Variants in IRAK2 observed in about 807,000 individuals in gnomAD.
IRAK2 encodes the protein interleukin 1 receptor associated kinase 2.
IRAK2 carries 57 observed loss-of-function variants against 72.0 expected under a neutral mutation model. The observed-to-expected ratio is 0.79, with a 90% CI of 0.64 to 0.99. IRAK2 has a LOEUF of 0.99. IRAK2 is among the 50% of genes least tolerant of loss of function. IRAK2 has a pLI of 0.00. For missense variants in IRAK2, 790 were observed against 794.4 expected (o/e 0.99, Z 0.07); for synonymous variants, 293 against 312.7 (o/e 0.94, Z 0.67).
At chr3:10,214,460 G>A (rs1697572155) in intron 6 of IRAK2, among the ~76,000 whole-genome samples, 1 of 142,996 alleles carries the variant, frequency 7.0e-6, no homozygotes, top group South Asian at 2.2e-4. Flanking sequence ...TGAGCTCCCG[G>A]GCTCAAGTGA....
chr3:10,239,145 T>TCAGC (rs1698013702), intron 12 of IRAK2, 106 bp downstream of exon 12: 14 of 1,081,164 alleles, frequency 1.3e-5, no homozygotes, highest in Non-Finnish European at 1.7e-5. Flanking sequence ...ATTTGGTTAT[T>TCAGC]CAGCCATTCA....
intron 3 of IRAK2, among the ~76,000 whole-genome samples, chr3:10,203,645 T>G (rs1317166670): frequency 6.6e-6 from 1 of 152,132 alleles, no homozygotes; most frequent in Non-Finnish European, 1.5e-5. Context: ...GTTTGTTTTG[T>G]TTTTTGAGAC....
intron 3 of IRAK2, among the ~76,000 whole-genome samples, chr3:10,203,604 G>A (rs1697396559): frequency 6.6e-6 from 1 of 152,110 alleles, no homozygotes; most frequent in Non-Finnish European, 1.5e-5. Context: ...GGAAGGAAGT[G>A]GGAAGAGACA....
intron 2 of IRAK2, among the ~76,000 whole-genome samples, chr3:10,199,060 G>A (rs1000356837): frequency 3.9e-5 from 6 of 152,098 alleles, no homozygotes; most frequent in Non-Finnish European, 7.4e-5. Flanking sequence ...GCCCCATAAA[G>A]GCTTCAAGCA....
In IRAK2 at chr3:10,223,376, C is replaced by T. The variant is rs536067141; in HGVS notation, c.1209+545C>T. ...CCACCATCCTTGTCTGCCATTATGT[C>T]GTGCCAGGCACTAGGAATATGAATG... On this transcript the variant is annotated intron_variant, in intron 9 of 12. Transcript: ENST00000256458. 7.9e-5 allele frequency among the ~76,000 whole-genome samples: 12 copies of T among 151,706 alleles called. No individual in the cohort carries two copies. In the South Asian group the frequency reaches 1.7e-3, roughly 21 times the overall value.
At chr3:10,210,829 G>A (rs958709518) in intron 4 of IRAK2, among the ~76,000 whole-genome samples, 2 of 152,188 alleles carry the variant, frequency 1.3e-5, no homozygotes, top group Non-Finnish European at 2.9e-5. Context: ...CTGGGCAACA[G>A]TGTGAGATCC....
intron 11 of IRAK2, 67 bp downstream of exon 11, chr3:10,234,726 C>T: frequency 1.4e-6 from 2 of 1,396,574 alleles, no homozygotes; most frequent in Non-Finnish European, 2.0e-6. Context: ...GGGGACGGCC[C>T]CTTCGCAGAG....
chr3:10,188,876 G>A (rs529589844), intron 2 of IRAK2, among the ~76,000 whole-genome samples: 4 of 152,348 alleles, frequency 2.6e-5, no homozygotes, highest in African/African-American at 9.6e-5. Flanking sequence ...TGGCCAGGCT[G>A]GTCTTGAATC....
chr3:10,207,039 G>C (rs1333763443), intron 3 of IRAK2, among the ~76,000 whole-genome samples: 3 of 151,942 alleles, frequency 2.0e-5, no homozygotes, highest in African/African-American at 7.3e-5. Context: ...TTTTTGTAGA[G>C]ATGGGGTTTT....
chr3:10,170,863 G>A (rs1696784502), intron 1 of IRAK2, among the ~76,000 whole-genome samples: 3 of 152,222 alleles, frequency 2.0e-5, no homozygotes, highest in African/African-American at 4.8e-5. Flanking sequence ...CAGTCCCAGT[G>A]CTCCAGTTCC....
In IRAK2 at chr3:10,212,756, C is replaced by G. The variant is rs140503147; in HGVS notation, c.529-451C>G. 4.3e-3 allele frequency among the ~76,000 whole-genome samples: 647 copies of G among 149,926 alleles called. 6 individuals are homozygous for G. Among genetic ancestry groups the G allele is most frequent in the African/African-American group, 0.015 (624 of 40,816 alleles). ...AGCTGGGATTTGAGCTTGGGCCTAT[C>G]CATGTCCTTTTTTTTTTTTTTTTTT... On this transcript the variant is annotated intron_variant, in intron 4 of 12. Coordinates refer to ENST00000256458, the MANE Select transcript of IRAK2 (RefSeq NM_001570.4).
intron 6 of IRAK2, among the ~76,000 whole-genome samples, chr3:10,214,766 G>A (rs554854371): frequency 2.6e-5 from 4 of 151,830 alleles, no homozygotes; most frequent in African/African-American, 7.3e-5. Flanking sequence ...GCAACATAGC[G>A]AGACCCTGTC....
intron 2 of IRAK2, among the ~76,000 whole-genome samples, chr3:10,192,115 AG>A (rs974961018): frequency 6.6e-6 from 1 of 151,220 alleles, no homozygotes; most frequent in African/African-American, 2.4e-5. Context: ...AGGGATTAGG[AG>A]GGAAAGGAAA....
chr3:10,211,852 C>T (rs890479205), intron 4 of IRAK2, among the ~76,000 whole-genome samples: 2 of 151,918 alleles, frequency 1.3e-5, no homozygotes, highest in African/African-American at 4.8e-5. Flanking sequence ...CCAAGTCGGG[C>T]GGATCACGAG....
intron 2 of IRAK2, among the ~76,000 whole-genome samples, chr3:10,182,561 G>A (rs1324817264): frequency 1.3e-5 from 2 of 148,362 alleles, no homozygotes; most frequent in Non-Finnish European, 3.0e-5. Context: ...GATTACAGGC[G>A]TGAGCCACTG....
chr3:10,215,865 C>T (rs1200191762), intron 6 of IRAK2, among the ~76,000 whole-genome samples: 1 of 152,114 alleles, frequency 6.6e-6, no homozygotes, highest in East Asian at 1.9e-4. Flanking sequence ...GGCAGTCACT[C>T]CTTCATTCAT....
chr3:10,206,378 G>T (rs576239819), intron 3 of IRAK2, among the ~76,000 whole-genome samples: 1 of 152,236 alleles, frequency 6.6e-6, no homozygotes, highest in South Asian at 2.1e-4. Context: ...TCTCCAGCTC[G>T]CATTCTCCTG....
intron 7 of IRAK2, among the ~76,000 whole-genome samples, chr3:10,218,256 T>C (rs552040757): frequency 6.6e-6 from 1 of 152,180 alleles, no homozygotes; most frequent in African/African-American, 2.4e-5. Context: ...AAACCCTGTC[T>C]CTACTAAAAA....
chr3:10,183,296 T>G (rs1041268805), intron 2 of IRAK2, among the ~76,000 whole-genome samples: 15 of 152,204 alleles, frequency 9.9e-5, no homozygotes, highest in Admixed American at 8.5e-4. Flanking sequence ...TCTTGAAATG[T>G]GAACTGCAGT....
Sources: gnomAD v4.1 joint callset for allele counts (sites outside exome capture counted in the v4.1 genomes callset) on GRCh38, gnomAD v4.1.1 for gene constraint, MANE v1.5 for transcripts, NCBI Gene and HGNC (gene_info 2026-07-23, HGNC 2026-07-21) for gene names.